The following BCR variants were observed in gnomAD, a reference collection of about 807,000 sequenced individuals.
The protein encoded by BCR is BCR activator of RhoGEF and GTPase, also known as breakpoint cluster region protein.
A neutral mutation model predicts 138.6 loss-of-function variants in BCR; 58 were observed. The ratio of observed to expected loss-of-function variants is 0.42; its 90% CI spans 0.34 to 0.52. The LOEUF is 0.52. Among genes scored for constraint, BCR ranks in the 20% least tolerant of loss-of-function variants. The pLI is 0.06. For synonymous variants in BCR, 786 were observed against 730.1 expected (o/e 1.08, Z -1.23); for missense variants, 1,599 against 1,727.2 (o/e 0.93, Z 1.32).
In BCR at chr22:23,181,610, A is replaced by G. The variant is rs1160275399; in HGVS notation, c.650A>G (p.His217Arg). 5.6e-6 allele frequency: 9 copies of G among 1,612,318 alleles called. No homozygotes were observed. The highest frequency in any genetic ancestry group is 7.6e-6 in the Non-Finnish European group (9 of 1,179,984). Residue 217 changes from histidine (H) to arginine (R), a missense_variant, in exon 1 of 23, where the codon CAC becomes CGC. His to Arg is a conservative substitution (Grantham distance 29). Transcript: ENST00000305877. ...AMQMERKKSQ[H>R]GAGSSVGDAS... is the part of the protein sequence containing the mutation. Reference sequence around the variant, plus strand: ...CAGATGGAGCGCAAAAAGTCCCAGCACGGCGCGGGCTCGAGCGTGGGGGAT... The same window carrying G: ...CAGATGGAGCGCAAAAAGTCCCAGCGCGGCGCGGGCTCGAGCGTGGGGGAT...
At chr22:23,264,443 TCC>T in intron 4 of BCR, 1 of 670,710 alleles carries the variant, frequency 1.5e-6, no homozygotes. Context: ...TGATAGTTCC[TCC>T]CCACTGCCCC....
intron 18 of BCR, 135 bp from the exon 19 acceptor site, chr22:23,311,562 G>C: frequency 1.6e-6 from 1 of 633,374 alleles, no homozygotes; most frequent in South Asian, 1.9e-5. Flanking sequence ...AGAAGGCTCT[G>C]TGTGCAGCCC....
At chr22:23,255,537 G>C (rs1360011373) in intron 2 of BCR, among the ~76,000 whole-genome samples, 1 of 152,194 alleles carries the variant, frequency 6.6e-6, no homozygotes, top group African/African-American at 2.4e-5. Flanking sequence ...GTTCAGGTAG[G>C]CTAAGTGCTG....
chr22:23,262,892 T>C (rs986069596), intron 4 of BCR: 10 of 1,072,864 alleles, frequency 9.3e-6, no homozygotes, highest in South Asian at 7.9e-5. Context: ...GGCCGGGGGC[T>C]GAGGCGGGAG....
intron 4 of BCR, chr22:23,263,393 G>A: frequency 1.6e-6 from 2 of 1,253,366 alleles, no homozygotes; most frequent in Non-Finnish European, 2.3e-6. Context: ...CCAACCTGAT[G>A]ACCAGTGTCC....
chr22:23,182,375 C>T, intron 1 of BCR, 136 bp downstream of exon 1: 1 of 1,051,900 alleles, frequency 9.5e-7, no homozygotes, highest in Non-Finnish European at 1.3e-6. Context: ...GTGGTTCACG[C>T]GGATCCTGCA....
rs925162771 is a variant in BCR at position 23,241,396 on chromosome 22, A to G, written c.1280-12403A>G. Among the ~76,000 whole-genome samples, 5 of 152,166 alleles carry G rather than the reference A, an allele frequency of 3.3e-5. No individual in the cohort carries two copies. The East Asian group carries it at 5.8e-4, about 18-fold the overall frequency. ...CAGTGAGTGGGAAGGGAGGACCCAC[A>G]GGTGTGCAGCGGCCATGGCCCGCAT... is the stretch of plus-strand genomic sequence containing the variant. On this transcript the variant is annotated intron_variant, in intron 1 of 22. Coordinates refer to ENST00000305877, the MANE Select transcript of BCR (RefSeq NM_004327.4).
intron 4 of BCR, chr22:23,263,374 G>C: frequency 8.1e-7 from 1 of 1,239,054 alleles, no homozygotes; most frequent in Non-Finnish European, 1.2e-6. Context: ...GGCTTCACGC[G>C]GCTCGGCACC....
intron 2 of BCR, among the ~76,000 whole-genome samples, chr22:23,257,253 C>A (rs1229750600): frequency 6.6e-6 from 1 of 152,204 alleles, no homozygotes; most frequent in Non-Finnish European, 1.5e-5. Context: ...CACCCCACCC[C>A]GTCCATGCCC....
At chr22:23,288,891 A>AG (rs779133132) in intron 12 of BCR, among the ~76,000 whole-genome samples, 1 of 152,152 alleles carries the variant, frequency 6.6e-6, no homozygotes, top group Non-Finnish European at 1.5e-5. Context: ...GGGGCTCTGC[A>AG]TGCCTCTGGC....
chr22:23,294,659 A>C (rs887103514), intron 15 of BCR, among the ~76,000 whole-genome samples: 1 of 152,236 alleles, frequency 6.6e-6, no homozygotes, highest in Non-Finnish European at 1.5e-5. Context: ...TTGGCCTCCC[A>C]AAGTACTGGG....
At chr22:23,280,480 C>T (rs771631063) in intron 8 of BCR, among the ~76,000 whole-genome samples, 2 of 152,224 alleles carry the variant, frequency 1.3e-5, no homozygotes, top group African/African-American at 4.8e-5. Flanking sequence ...GTGACTGTCA[C>T]ATTCCCACCT....
intron 1 of BCR, among the ~76,000 whole-genome samples, chr22:23,204,063 G>A (rs1031447005): frequency 2.6e-5 from 4 of 152,150 alleles, no homozygotes; most frequent in African/African-American, 9.7e-5. Flanking sequence ...TTTGGAGGGA[G>A]GGCAGCATGG....
At chr22:23,220,636 C>T (rs1421359846) in intron 1 of BCR, among the ~76,000 whole-genome samples, 2 of 152,128 alleles carry the variant, frequency 1.3e-5, no homozygotes, top group African/African-American at 4.8e-5. Context: ...TTACTGTATA[C>T]TTGGTGTTTC....
At chr22:23,290,486 A>C (rs903805296) in intron 14 of BCR, 73 bp downstream of exon 14, 51 of 1,457,108 alleles carry the variant, frequency 3.5e-5, no homozygotes, top group Non-Finnish European at 4.7e-5. Flanking sequence ...CTCATCGGGC[A>C]GGGTGTGGGG....
At chr22:23,304,846 G>A (rs930596530) in intron 16 of BCR, among the ~76,000 whole-genome samples, 31 of 152,308 alleles carry the variant, frequency 2.0e-4, no homozygotes, top group African/African-American at 7.0e-4. Flanking sequence ...CAGGCGCGGT[G>A]GCTTACGCCT....
intron 16 of BCR, among the ~76,000 whole-genome samples, chr22:23,305,250 G>C (rs2073945121): frequency 1.3e-5 from 2 of 152,084 alleles, no homozygotes; most frequent in South Asian, 4.1e-4. Flanking sequence ...CCACCCCCGG[G>C]AGTAGGTTAT....
At chr22:23,250,171 G>A (rs901622657) in intron 1 of BCR, among the ~76,000 whole-genome samples, 1 of 152,230 alleles carries the variant, frequency 6.6e-6, no homozygotes, top group African/African-American at 2.4e-5. Context: ...CTGGGACCCC[G>A]AATCTGACCC....
In BCR at chr22:23,216,213, T is replaced by C. The variant is rs971858322; in HGVS notation, c.1279+33974T>C. Among the ~76,000 whole-genome samples, 7 of 152,314 alleles carry C rather than the reference T, an allele frequency of 4.6e-5. No individual in the cohort carries two copies. The East Asian group carries it at 1.4e-3, about 29-fold the overall frequency. On this transcript the variant is annotated intron_variant, in intron 1 of 22. Transcript: ENST00000305877. ...ATGTCTGTGTTTCTGCAAAACCAAGTGTACTCACTGCCTCCTTTTAAAATC... is the reference window on the plus strand; with the variant it reads ...ATGTCTGTGTTTCTGCAAAACCAAGCGTACTCACTGCCTCCTTTTAAAATC...
Sources: gnomAD v4.1 joint callset for allele counts (sites outside exome capture counted in the v4.1 genomes callset) on GRCh38, gnomAD v4.1.1 for gene constraint, MANE v1.5 for transcripts, NCBI Gene and HGNC (gene_info 2026-07-23, HGNC 2026-07-21) for gene names.